The following PICALM variants were observed in gnomAD, a reference collection of about 807,000 sequenced individuals.
PICALM encodes the protein phosphatidylinositol binding clathrin assembly protein.
In PICALM, 40 loss-of-function variants were observed where a neutral mutation model predicts 80.5. That is an observed-to-expected ratio of 0.50 (90% CI 0.39 to 0.65). PICALM has a LOEUF of 0.65. Ranked by LOEUF, PICALM falls within the 30% of genes least tolerant of loss-of-function variation. The pLI is 0.00. For synonymous variants in PICALM, 288 were observed against 260.3 expected (o/e 1.11, Z -1.02); for missense variants, 676 against 778.9 (o/e 0.87, Z 1.57).
intron 4 of PICALM, 36 bp from the exon 5 acceptor site, chr11:86,014,999 TCTGCAATTAAATC>T: frequency 7.9e-7 from 1 of 1,259,004 alleles, no homozygotes; most frequent in Non-Finnish European, 1.1e-6. Flanking sequence ...AACAAATGAA[TCTGCAATTAAATC>T]TACATTTCAA....
intron 19 of PICALM, among the ~76,000 whole-genome samples, chr11:85,959,397 G>A (rs2093611903): frequency 1.3e-5 from 2 of 152,066 alleles, no homozygotes; most frequent in Admixed American, 6.6e-5. Context: ...GGAGGCTGAG[G>A]TGGGCAGATC....
chr11:86,061,305 C>T (rs575179457), intron 1 of PICALM, among the ~76,000 whole-genome samples: 58 of 123,656 alleles, frequency 4.7e-4, no homozygotes, highest in African/African-American at 1.7e-3. Context: ...CACTCCAGCC[C>T]GGGAGACAGA....
chr11:86,037,179 C>T (rs1184921456), intron 1 of PICALM, among the ~76,000 whole-genome samples: 2 of 147,912 alleles, frequency 1.4e-5, no homozygotes, highest in Non-Finnish European at 3.0e-5. Flanking sequence ...CTCTTGATCT[C>T]GTGATCTACC....
chr11:86,063,083 C>T (rs1211824984), intron 1 of PICALM, among the ~76,000 whole-genome samples: 1 of 152,178 alleles, frequency 6.6e-6, no homozygotes, highest in Non-Finnish European at 1.5e-5. Flanking sequence ...GGAGAAACAA[C>T]TATGTCTACG....
chr11:85,973,298 T>C (rs915412866), intron 19 of PICALM, among the ~76,000 whole-genome samples: 6 of 152,334 alleles, frequency 3.9e-5, no homozygotes, highest in South Asian at 2.1e-4. Context: ...AATGAAAGGA[T>C]TGCCTAGGCT....
intron 18 of PICALM, among the ~76,000 whole-genome samples, chr11:85,975,473 G>C (rs1379021899): frequency 1.3e-5 from 2 of 151,800 alleles, no homozygotes; most frequent in Non-Finnish European, 2.9e-5. Flanking sequence ...ATACTGTTTT[G>C]GTTAAAATGC....
intron 12 of PICALM, among the ~76,000 whole-genome samples, chr11:85,992,970 T>C (rs1307311097): frequency 6.6e-6 from 1 of 152,230 alleles, no homozygotes; most frequent in Non-Finnish European, 1.5e-5. Flanking sequence ...TACAAGATGT[T>C]AATCTATTAA....
At chr11:86,005,841 A>G (rs2095264991) in intron 8 of PICALM, among the ~76,000 whole-genome samples, 1 of 152,178 alleles carries the variant, frequency 6.6e-6, no homozygotes, top group African/African-American at 2.4e-5. Context: ...ATCGTCCCTA[A>G]AGTGTAAATA....
At position 85,984,021 on chromosome 11, in the gene PICALM, A is replaced by C. The variant is rs200020459; in HGVS notation, c.1409-48T>G. On this transcript the variant is annotated intron_variant, in intron 13 of 19. Transcript: ENST00000393346. ...AAGCTCAATTATTTAATAACTCTAC[A>C]TTTACGACTATTTAATAATGATGAC... The C allele has an allele frequency of 1.5e-5, 12 of 781,602 alleles. No homozygotes were observed. In the Admixed American group the frequency reaches 2.3e-4, roughly 15 times the overall value. The allele number at this position is 781,602 out of a possible 1,614,324, so 48.4% of individuals were successfully genotyped here. A position where few individuals can be genotyped will look rare whatever the true frequency, so the allele number is the denominator to read the frequency against.
intron 18 of PICALM, 120 bp from the exon 19 acceptor site, chr11:85,974,932 T>G: frequency 2.8e-6 from 2 of 702,726 alleles, no homozygotes; most frequent in Non-Finnish European, 5.2e-6. Context: ...AAAGGGTAAC[T>G]TCCTCTGAAT....
At chr11:86,062,779 T>G (rs998894658) in intron 1 of PICALM, among the ~76,000 whole-genome samples, 8 of 152,292 alleles carry the variant, frequency 5.3e-5, no homozygotes, top group Middle Eastern at 3.4e-3. Flanking sequence ...ACATACACAG[T>G]GAACATACAA....
intron 19 of PICALM, among the ~76,000 whole-genome samples, chr11:85,960,117 C>A (rs78867010): frequency 1.6e-3 from 251 of 152,128 alleles, no homozygotes; most frequent in African/African-American, 5.5e-3. Context: ...AAATAAGAAC[C>A]TGAAAGAGCC....
At chr11:85,987,669 G>A (rs781641395) in intron 13 of PICALM, among the ~76,000 whole-genome samples, 132 of 152,310 alleles carry the variant, frequency 8.7e-4, no homozygotes, top group Admixed American at 2.2e-3. Context: ...ATAGGGTCTT[G>A]CATGTTGCCG....
chr11:85,965,484 G>A (rs1000101961), intron 19 of PICALM, among the ~76,000 whole-genome samples: 34 of 152,096 alleles, frequency 2.2e-4, no homozygotes, highest in Non-Finnish European at 4.4e-4. Context: ...GGCTGTTTTG[G>A]GGTAATGTTT....
Position 85,974,261 on chromosome 11 carries a change from G to GA in PICALM, c.1944+446dup, listed in dbSNP as rs570965873. ...CCTCAGTGGCAGAAAGTTATCTAAC[G>GA]AAAAAATAACATTCAAAACTTTTTG... On this transcript the variant is annotated intron_variant, in intron 19 of 19. Transcript: ENST00000393346. Among the ~76,000 whole-genome samples the GA allele has an allele frequency of 8.7e-4, 132 of 152,166 alleles. 4 individuals are homozygous for GA. The South Asian group carries it at 0.026, about 30-fold the overall frequency.
At chr11:86,066,746 C>CAAA (rs201337814) in intron 1 of PICALM, among the ~76,000 whole-genome samples, 1 of 99,098 alleles carries the variant, frequency 1.0e-5, no homozygotes, top group Admixed American at 1.1e-4. Context: ...TACTCCCATA[C>CAAA]AAAAAAAAAA....
intron 1 of PICALM, among the ~76,000 whole-genome samples, chr11:86,039,443 C>T (rs960655302): frequency 1.3e-5 from 2 of 152,062 alleles, no homozygotes; most frequent in Non-Finnish European, 2.9e-5. Context: ...AGGCAATCCT[C>T]CCCCCACCAG....
intron 9 of PICALM, among the ~76,000 whole-genome samples, chr11:86,002,059 GGAA>G (rs1186845525): frequency 6.6e-6 from 1 of 152,082 alleles, no homozygotes; most frequent in Non-Finnish European, 1.5e-5. Flanking sequence ...AGAAGACAAA[GGAA>G]GAATAACATA....
At position 85,983,980 on chromosome 11, in the gene PICALM, A is replaced by G. The variant is rs189300607; in HGVS notation, c.1409-7T>C. 39 of 1,392,152 alleles carry G rather than the reference A, an allele frequency of 2.8e-5. No homozygotes were observed. The African/African-American group carries it at 4.9e-4, about 17-fold the overall frequency. The allele number at this position is 1,392,152 out of a possible 1,614,324, so 86.2% of individuals were successfully genotyped here. On this transcript the variant is annotated splice_polypyrimidine_tract_variant and splice_region_variant and intron_variant, in intron 13 of 19. Transcript: ENST00000393346. ...ACTGGAGAAGGAGTGAATCCTGAGTAAACCAAAATGGAAAAAAGCTCAATT... is the reference window on the plus strand; with the variant it reads ...ACTGGAGAAGGAGTGAATCCTGAGTGAACCAAAATGGAAAAAAGCTCAATT...
Sources: gnomAD v4.1 joint callset for allele counts (sites outside exome capture counted in the v4.1 genomes callset) on GRCh38, gnomAD v4.1.1 for gene constraint, MANE v1.5 for transcripts, NCBI Gene and HGNC (gene_info 2026-07-23, HGNC 2026-07-21) for gene names.